The following PHLDB2 variants were observed in gnomAD, a reference collection of about 807,000 sequenced individuals.
The protein encoded by PHLDB2 is pleckstrin homology like domain family B member 2, also known as pleckstrin homology-like domain family B member 2.
A neutral mutation model predicts 123.6 loss-of-function variants in PHLDB2; 71 were observed. That is an observed-to-expected ratio of 0.57 (90% CI 0.47 to 0.70). The LOEUF (loss-of-function observed/expected upper bound fraction) is 0.70. Among genes scored for constraint, PHLDB2 ranks in the 30% least tolerant of loss-of-function variants. PHLDB2 has a pLI of 0.00. For missense variants in PHLDB2, 1,446 were observed against 1,519.5 expected, an observed-to-expected ratio of 0.95 and a Z score of 0.80; for synonymous variants, 547 against 541.6, an observed-to-expected ratio of 1.01 and a Z score of -0.14.
At chr3:111,836,482 G>A (rs1381092975) in intron 1 of PHLDB2, among the ~76,000 whole-genome samples, 2 of 152,280 alleles carry the variant, frequency 1.3e-5, no homozygotes, top group Middle Eastern at 6.8e-3. Flanking sequence ...AAGCAGTTAG[G>A]GATGTAGATC....
chr3:111,755,856 T>G (rs2059879060), intron 1 of PHLDB2, among the ~76,000 whole-genome samples: 1 of 151,232 alleles, frequency 6.6e-6, no homozygotes, highest in Non-Finnish European at 1.5e-5. Context: ...GTTGTGTCTT[T>G]GTTCTCATTG....
intron 1 of PHLDB2, among the ~76,000 whole-genome samples, chr3:111,749,115 T>A (rs574127118): frequency 0.031 from 4,349 of 138,604 alleles, 98 homozygotes; most frequent in African/African-American, 0.056. Flanking sequence ...AAAAAAAAAA[T>A]AAGAAGAATA....
chr3:111,824,765 C>T (rs913933475), intron 1 of PHLDB2, among the ~76,000 whole-genome samples: 1 of 152,226 alleles, frequency 6.6e-6, no homozygotes, highest in African/African-American at 2.4e-5. Context: ...ATGGCTTAAG[C>T]TAATTTGACA....
intron 1 of PHLDB2, among the ~76,000 whole-genome samples, chr3:111,759,294 T>C (rs2059954352): frequency 6.6e-6 from 1 of 152,184 alleles, no homozygotes; most frequent in Non-Finnish European, 1.5e-5. Context: ...TTCTGGTTCG[T>C]AGATGGTGCC....
chr3:111,788,099 G>T (rs74539899), intron 1 of PHLDB2, among the ~76,000 whole-genome samples: 156 of 152,266 alleles, frequency 1.0e-3, no homozygotes, highest in Middle Eastern at 3.4e-3. Context: ...ACCCAAGAAG[G>T]TTACTAGTTT....
rs184673416 is a variant in PHLDB2, at chr3:111,964,037, C to T, written c.3077+1725C>T. Among the ~76,000 whole-genome samples the T allele has an allele frequency of 2.1e-4, 32 of 152,222 alleles. No individual in the cohort carries two copies. In the East Asian group the frequency reaches 6.0e-3, roughly 29 times the overall value. On this transcript the variant is annotated intron_variant, in intron 13 of 17. Coordinates refer to ENST00000431670, the MANE Select transcript of PHLDB2 (RefSeq NM_001134438.2). ...CTGTTTTTCTCTCCCCTTTGCACTCCACCTTTTACAGGCATCTTCTACTTT... is the reference window on the plus strand; with the variant it reads ...CTGTTTTTCTCTCCCCTTTGCACTCTACCTTTTACAGGCATCTTCTACTTT...
intron 1 of PHLDB2, among the ~76,000 whole-genome samples, chr3:111,827,442 C>A (rs1423803911): frequency 2.0e-5 from 3 of 152,044 alleles, no homozygotes; most frequent in Non-Finnish European, 4.4e-5. Context: ...TTGGGAGGCC[C>A]AGGTGGGCGG....
chr3:111,786,173 T>C lies in PHLDB2; in HGVS notation c.-49+53470T>C, dbSNP rs540446522. ...GTATTTGCACTGGACCTATGGACAT[T>C]CTCTTTTAAATCATCCCTAGATTAC... On this transcript the variant is annotated intron_variant, in intron 1 of 17. Transcript: ENST00000393923. Among the ~76,000 whole-genome samples, 8 of 152,250 alleles carry C rather than the reference T, an allele frequency of 5.3e-5. No individual in the cohort carries two copies. In the East Asian group the frequency reaches 1.5e-3, roughly 29 times the overall value.
At chr3:111,770,334 T>C (rs1468046142) in intron 1 of PHLDB2, among the ~76,000 whole-genome samples, 4 of 152,244 alleles carry the variant, frequency 2.6e-5, no homozygotes, top group Admixed American at 6.5e-5. Flanking sequence ...TTCTCCTACT[T>C]TTCTGATGTG....
chr3:111,965,112 G>C (rs1490817212), intron 13 of PHLDB2, among the ~76,000 whole-genome samples: 1 of 152,140 alleles, frequency 6.6e-6, no homozygotes, highest in African/African-American at 2.4e-5. Flanking sequence ...AAGAATTCCT[G>C]TACAAAAATT....
rs1313576493 is a variant in PHLDB2, at chr3:111,975,288, G to A, written c.*725G>A. On this transcript the variant is annotated 3_prime_UTR_variant, in exon 18 of 18. Transcript: ENST00000431670. Reference sequence around the variant, plus strand: ...AAACCACTTTTTGTAAAAGAAGAAAGAGCAAAAAGCTGTGTGTTTTAGAAA... The same window carrying A: ...AAACCACTTTTTGTAAAAGAAGAAAAAGCAAAAAGCTGTGTGTTTTAGAAA... The A allele has an allele frequency of 6.6e-6, 1 of 152,014 alleles. No homozygotes were observed. The highest frequency in any genetic ancestry group is 1.5e-5 in the Non-Finnish European group (1 of 67,994). The allele number at this position is 152,014 out of a possible 1,614,324, so 9.4% of individuals were successfully genotyped here.
intron 1 of PHLDB2, chr3:111,845,757 T>A: frequency 6.3e-7 from 1 of 1,581,124 alleles, no homozygotes; most frequent in Non-Finnish European, 8.6e-7. Flanking sequence ...TCTGTTGACC[T>A]TGAGTTTTCA....
At chr3:111,750,948 A>T (rs1193003237) in intron 1 of PHLDB2, among the ~76,000 whole-genome samples, 685 of 35,534 alleles carry the variant, frequency 0.019, 5 homozygotes, top group African/African-American at 0.044. Context: ...ACTCTGTCTC[A>T]AAAAAAAAAA....
chr3:111,842,632 T>G (rs1318213284), intron 1 of PHLDB2, among the ~76,000 whole-genome samples: 4 of 152,192 alleles, frequency 2.6e-5, no homozygotes, highest in Non-Finnish European at 5.9e-5. Flanking sequence ...ACCATATAAT[T>G]CACCTACTTA....
At chr3:111,733,245 T>A (rs967554081) in intron 1 of PHLDB2, among the ~76,000 whole-genome samples, 12 of 152,328 alleles carry the variant, frequency 7.9e-5, no homozygotes, top group African/African-American at 2.9e-4. Context: ...CTGAAATTAC[T>A]GGAGCAGAAT....
chr3:111,746,597 T>C (rs2059685704), intron 1 of PHLDB2, among the ~76,000 whole-genome samples: 1 of 152,092 alleles, frequency 6.6e-6, no homozygotes, highest in African/African-American at 2.4e-5. Context: ...ACCCCTCCCC[T>C]ACAAAAAACT....
chr3:111,907,032 A>G (rs565873265), intron 2 of PHLDB2, among the ~76,000 whole-genome samples: 82 of 152,378 alleles, frequency 5.4e-4, no homozygotes, highest in Non-Finnish European at 1.1e-3. Context: ...TTGTAAAACC[A>G]AATGATAAAA....
intron 1 of PHLDB2, among the ~76,000 whole-genome samples, chr3:111,836,216 A>G (rs115295085): frequency 4.4e-4 from 67 of 152,358 alleles, no homozygotes; most frequent in African/African-American, 1.6e-3. Flanking sequence ...GAAAGTGGCC[A>G]TGATGAAGCA....
chr3:111,751,144 A>C (rs142825124), intron 1 of PHLDB2, among the ~76,000 whole-genome samples: 29 of 150,906 alleles, frequency 1.9e-4, no homozygotes, highest in Middle Eastern at 6.8e-3. Context: ...TATAAAAAAG[A>C]AAAAAGCAGA....
Sources: gnomAD v4.1 joint callset for allele counts (sites outside exome capture counted in the v4.1 genomes callset) on GRCh38, gnomAD v4.1.1 for gene constraint, MANE v1.5 for transcripts, NCBI Gene and HGNC (gene_info 2026-07-23, HGNC 2026-07-21) for gene names.